Variants in PRELID2 observed in about 807,000 individuals in gnomAD.
The protein encoded by PRELID2 is PRELI domain-containing protein 2.
PRELID2 carries 25 observed loss-of-function variants against 28.4 expected under a neutral mutation model. The ratio of observed to expected loss-of-function variants is 0.88; its 90% CI spans 0.64 to 1.23. PRELID2 has a LOEUF of 1.23. Ranked by LOEUF, PRELID2 falls within the 50% of genes most tolerant of loss-of-function variation. The probability of loss-of-function intolerance (pLI) is 0.00; values close to 1 mark genes in which losing one functional copy is unlikely to be tolerated. For synonymous variants in PRELID2, 76 were observed against 71.6 expected, an observed-to-expected ratio of 1.06 and a Z score of -0.31; for missense variants, 201 against 214.4, an observed-to-expected ratio of 0.94 and a Z score of 0.39.
intron 4 of PRELID2, among the ~76,000 whole-genome samples, chr5:145,810,171 C>G (rs1490249105): frequency 6.6e-6 from 1 of 152,214 alleles, no homozygotes; most frequent in East Asian, 1.9e-4. Context: ...TCCTGCTCTA[C>G]ATAATAAAGC....
chr5:145,280,803 G>A, the PRELID2 span, among the ~76,000 whole-genome samples: 1 of 142,904 alleles, frequency 7.0e-6, no homozygotes, highest in Non-Finnish European at 1.5e-5. Context: ...ATTGATTCAT[G>A]AAAAAAAAAA....
At chr5:145,552,759 A>C (rs1348844681) in intron 1 of PRELID2, among the ~76,000 whole-genome samples, 1 of 152,208 alleles carries the variant, frequency 6.6e-6, no homozygotes, top group Non-Finnish European at 1.5e-5. Flanking sequence ...CGTCTTATCA[A>C]CACAATTGAC....
chr5:145,399,272 G>A, the PRELID2 span, among the ~76,000 whole-genome samples: 2 of 152,114 alleles, frequency 1.3e-5, no homozygotes, highest in South Asian at 4.1e-4. Flanking sequence ...GATTACATGG[G>A]GGTTGGAAAT....
the PRELID2 span, among the ~76,000 whole-genome samples, chr5:145,322,142 A>T: frequency 2.0e-5 from 3 of 152,226 alleles, no homozygotes; most frequent in African/African-American, 7.2e-5. Context: ...AAATGGCTAG[A>T]AAATGTCCGT....
chr5:145,241,801 T>C, the PRELID2 span, among the ~76,000 whole-genome samples: 2 of 152,028 alleles, frequency 1.3e-5, no homozygotes, highest in Non-Finnish European at 2.9e-5. Context: ...ATTCCTCATA[T>C]TCCCTCTTAC....
the PRELID2 span, among the ~76,000 whole-genome samples, chr5:145,267,043 T>C: frequency 1.3e-5 from 2 of 151,984 alleles, no homozygotes; most frequent in East Asian, 3.9e-4. Flanking sequence ...GTTTATTAAG[T>C]ATTAACTCAC....
At chr5:145,531,834 T>C (rs1426038296) in intron 1 of PRELID2, among the ~76,000 whole-genome samples, 2 of 152,194 alleles carry the variant, frequency 1.3e-5, no homozygotes, top group African/African-American at 4.8e-5. Context: ...CATTAAATCA[T>C]TTATACTATT....
intron 1 of PRELID2, among the ~76,000 whole-genome samples, chr5:145,481,342 CCTA>C (rs1752157456): frequency 6.6e-6 from 1 of 151,818 alleles, no homozygotes; most frequent in African/African-American, 2.4e-5. Flanking sequence ...GTGCTTAAAA[CCTA>C]CTTTCAATCC....
chr5:145,410,031 G>A, the PRELID2 span, among the ~76,000 whole-genome samples: 1 of 152,084 alleles, frequency 6.6e-6, no homozygotes, highest in Non-Finnish European at 1.5e-5. Flanking sequence ...ACTGATCTTT[G>A]ACAAAGTAAA....
At chr5:145,457,611 C>A in the PRELID2 span, among the ~76,000 whole-genome samples, 1 of 152,162 alleles carries the variant, frequency 6.6e-6, no homozygotes, top group South Asian at 2.1e-4. Context: ...ACCTGATGGG[C>A]TAGGTCAATT....
chr5:145,826,036 C>T (rs1222570845), intron 1 of PRELID2: 7 of 985,236 alleles, frequency 7.1e-6, no homozygotes, highest in Non-Finnish European at 8.4e-6. Flanking sequence ...TTTTTCTGGA[C>T]ACCTTTTCAA....
At chr5:145,743,769 C>T (rs1395554496) in intron 1 of PRELID2, among the ~76,000 whole-genome samples, 1 of 152,044 alleles carries the variant, frequency 6.6e-6, no homozygotes, top group Non-Finnish European at 1.5e-5. Context: ...AACAGCCTCT[C>T]AGCCTCTCAG....
chr5:145,579,326 A>T (rs2149623519), intron 1 of PRELID2, among the ~76,000 whole-genome samples: 1 of 152,192 alleles, frequency 6.6e-6, no homozygotes, highest in African/African-American at 2.4e-5. Context: ...GGATGGGGAG[A>T]GTTTGCTGTT....
At chr5:145,286,180 G>A in the PRELID2 span, among the ~76,000 whole-genome samples, 2,200 of 152,164 alleles carry the variant, frequency 0.014, 59 homozygotes, top group African/African-American at 0.051. Context: ...ACTATTATTA[G>A]CACTGTCTTA....
chr5:145,497,056 G>A (rs1752315815), intron 1 of PRELID2, among the ~76,000 whole-genome samples: 1 of 151,078 alleles, frequency 6.6e-6, no homozygotes, highest in Admixed American at 6.6e-5. Context: ...TACATACAGG[G>A]TCTCGCTACA....
intron 5 of PRELID2, among the ~76,000 whole-genome samples, chr5:145,792,400 C>T (rs1160584294): frequency 6.6e-5 from 10 of 152,202 alleles, no homozygotes; most frequent in African/African-American, 2.4e-4. Flanking sequence ...CTACTAAGCT[C>T]TTGCAAGCAC....
At chr5:145,467,746 T>C (rs1752014689), downstream of PRELID2, among the ~76,000 whole-genome samples, 1 of 149,636 alleles carries the variant, frequency 6.7e-6, no homozygotes, top group South Asian at 2.1e-4. Flanking sequence ...TCAATCATTC[T>C]ACCGCCTGAC....
intron 1 of PRELID2, among the ~76,000 whole-genome samples, chr5:145,533,160 A>T (rs1752668506): frequency 6.6e-6 from 1 of 152,030 alleles, no homozygotes; most frequent in East Asian, 1.9e-4. Flanking sequence ...ACAACACCCC[A>T]ACTTAAGTGC....
chr5:145,701,915 GT>G (rs1366612396), intron 1 of PRELID2, among the ~76,000 whole-genome samples: 4 of 152,044 alleles, frequency 2.6e-5, no homozygotes, highest in Admixed American at 6.5e-5. Context: ...GCCGGGCGTG[GT>G]GGCACATGCC....
Sources: gnomAD v4.1 joint callset for allele counts (sites outside exome capture counted in the v4.1 genomes callset) on GRCh38, gnomAD v4.1.1 for gene constraint, MANE v1.5 for transcripts, NCBI Gene and HGNC (gene_info 2026-07-23, HGNC 2026-07-21) for gene names.